KCNQ5: variants seen among roughly 807,000 people sequenced by gnomAD.
The protein encoded by KCNQ5 is potassium voltage-gated channel subfamily Q member 5, also known as potassium voltage-gated channel subfamily KQT member 5.
KCNQ5 carries 30 observed loss-of-function variants against 98.2 expected under a neutral mutation model. That is an observed-to-expected ratio of 0.31 (90% confidence interval 0.23 to 0.41). The LOEUF (loss-of-function observed/expected upper bound fraction) is 0.41, where lower values mean the gene tolerates loss of function less well. KCNQ5 is among the 10% of genes least tolerant of loss of function. The probability of loss-of-function intolerance (pLI) is 1.00; values close to 1 mark genes in which losing one functional copy is unlikely to be tolerated. For missense variants in KCNQ5, 835 were observed against 1,182.5 expected (o/e 0.71, Z 4.31); for synonymous variants, 458 against 449.4 (o/e 1.02, Z -0.24).
At chr6:72,710,728 C>T (rs1769323867) in intron 1 of KCNQ5, among the ~76,000 whole-genome samples, 1 of 152,082 alleles carries the variant, frequency 6.6e-6, no homozygotes, top group Non-Finnish European at 1.5e-5. Flanking sequence ...ACATAGACTG[C>T]AACAAAATAA....
intron 1 of KCNQ5, among the ~76,000 whole-genome samples, chr6:72,674,009 T>C (rs1175563055): frequency 6.6e-6 from 1 of 152,220 alleles, no homozygotes; most frequent in Non-Finnish European, 1.5e-5. Flanking sequence ...TATAATACGT[T>C]ACTCTAAAAG....
chr6:72,937,303 G>A (rs1374833068), intron 1 of KCNQ5, among the ~76,000 whole-genome samples: 1 of 152,120 alleles, frequency 6.6e-6, no homozygotes, highest in Non-Finnish European at 1.5e-5. Flanking sequence ...GCCAACTGAA[G>A]TCCATTTTAC....
chr6:72,873,052 C>T (rs1175412882), intron 1 of KCNQ5, among the ~76,000 whole-genome samples: 1 of 152,024 alleles, frequency 6.6e-6, no homozygotes, highest in African/African-American at 2.4e-5. Context: ...GCATTTTATA[C>T]ACTTAGAGAA....
chr6:72,962,206 T>TATATATATACAC (rs1562095971), intron 1 of KCNQ5, among the ~76,000 whole-genome samples: 2 of 128,146 alleles, frequency 1.6e-5, no homozygotes, highest in African/African-American at 5.7e-5. Context: ...TATATACATA[T>TATATATATACAC]ATATATATAT....
intron 1 of KCNQ5, among the ~76,000 whole-genome samples, chr6:72,677,482 T>C (rs1028903438): frequency 1.3e-5 from 2 of 152,230 alleles, no homozygotes; most frequent in Non-Finnish European, 2.9e-5. Flanking sequence ...CCTTGAAATG[T>C]TATCAGTGTC....
At chr6:73,119,865 T>C (rs1168093213) in intron 7 of KCNQ5, among the ~76,000 whole-genome samples, 2 of 152,184 alleles carry the variant, frequency 1.3e-5, no homozygotes, top group Admixed American at 6.5e-5. Context: ...TTGGATAATA[T>C]AGTATCTTTC....
chr6:72,794,601 G>A (rs1405805760), intron 1 of KCNQ5, among the ~76,000 whole-genome samples: 2 of 152,060 alleles, frequency 1.3e-5, no homozygotes, highest in Non-Finnish European at 2.9e-5. Context: ...ACATTTCAGG[G>A]GTGCAAATGT....
intron 1 of KCNQ5, among the ~76,000 whole-genome samples, chr6:72,923,833 T>C (rs1780511156): frequency 6.6e-6 from 1 of 152,216 alleles, no homozygotes; most frequent in South Asian, 2.1e-4. Context: ...CACTTAGGAT[T>C]ATTCTTTTGC....
chr6:72,915,334 A>G (rs777696429), intron 1 of KCNQ5, among the ~76,000 whole-genome samples: 10 of 152,156 alleles, frequency 6.6e-5, no homozygotes, highest in Non-Finnish European at 1.3e-4. Context: ...TTGACTGCTT[A>G]TACAGTCTGG....
chr6:72,698,528 G>GCAATTAT (rs1768622433), intron 1 of KCNQ5, among the ~76,000 whole-genome samples: 1 of 151,708 alleles, frequency 6.6e-6, no homozygotes, highest in Non-Finnish European at 1.5e-5. Context: ...TTTGAATGTT[G>GCAATTAT]CAATTATGGG....
intron 1 of KCNQ5, among the ~76,000 whole-genome samples, chr6:72,736,141 A>T (rs575418260): frequency 2.0e-5 from 3 of 152,160 alleles, no homozygotes; most frequent in African/African-American, 7.2e-5. Flanking sequence ...TTAACATAAG[A>T]TTTGTGACAC....
intron 1 of KCNQ5, among the ~76,000 whole-genome samples, chr6:72,810,008 A>T (rs904510226): frequency 4.6e-5 from 7 of 152,190 alleles, no homozygotes; most frequent in Admixed American, 1.3e-4. Flanking sequence ...ATGATTAAGA[A>T]ATAGCCTCTG....
At chr6:72,884,336 C>T (rs548272849) in intron 1 of KCNQ5, among the ~76,000 whole-genome samples, 2 of 151,826 alleles carry the variant, frequency 1.3e-5, no homozygotes, top group Admixed American at 1.3e-4. Flanking sequence ...AGAGCCAAAA[C>T]CTTTTAAAGG....
At chr6:73,040,674 T>C (rs549117256) in intron 2 of KCNQ5, among the ~76,000 whole-genome samples, 1 of 152,336 alleles carries the variant, frequency 6.6e-6, no homozygotes, top group East Asian at 1.9e-4. Flanking sequence ...TGATATTGGG[T>C]ATTTATTTCC....
chr6:72,875,677 T>C (rs1778377723), intron 1 of KCNQ5, among the ~76,000 whole-genome samples: 1 of 152,158 alleles, frequency 6.6e-6, no homozygotes, highest in African/African-American at 2.4e-5. Context: ...AGCCCAAATC[T>C]ATGTCCATTT....
intron 6 of KCNQ5, among the ~76,000 whole-genome samples, chr6:73,105,930 T>C (rs1417337919): frequency 1.3e-5 from 2 of 152,170 alleles, no homozygotes; most frequent in Non-Finnish European, 2.9e-5. Context: ...ATTTTCTCCT[T>C]AGTGAATGAA....
At chr6:72,962,798 T>C (rs1165312793) in intron 1 of KCNQ5, among the ~76,000 whole-genome samples, 1 of 152,182 alleles carries the variant, frequency 6.6e-6, no homozygotes, top group Non-Finnish European at 1.5e-5. Context: ...ATTTACTTGC[T>C]TCTCAAGGCC....
intron 1 of KCNQ5, among the ~76,000 whole-genome samples, chr6:72,676,915 T>C (rs2154473598): frequency 6.9e-6 from 1 of 144,780 alleles, no homozygotes; most frequent in Non-Finnish European, 1.5e-5. Context: ...AATTCTTAGG[T>C]ATAATTGATA....
chr6:73,143,884 G>A (rs914404493), intron 10 of KCNQ5, among the ~76,000 whole-genome samples: 10 of 152,180 alleles, frequency 6.6e-5, no homozygotes, highest in African/African-American at 1.4e-4. Flanking sequence ...TCCAAAATTC[G>A]CACAAAATAA....
Sources: allele counts gnomAD v4.1 joint callset (sites outside exome capture counted in the v4.1 genomes callset), GRCh38; gene constraint gnomAD v4.1.1; transcripts MANE v1.5; gene names NCBI Gene and HGNC (gene_info 2026-07-23, HGNC 2026-07-21).